Variants in CLCNKB observed in about 807,000 individuals in gnomAD.
CLCNKB encodes the protein chloride voltage-gated channel Kb.
Under a neutral mutation model 83.8 loss-of-function variants are expected in CLCNKB, and 74 were observed. The ratio of observed to expected loss-of-function variants is 0.88; its 90% CI spans 0.73 to 1.07. The LOEUF is 1.07. CLCNKB is among the 50% of genes least tolerant of loss of function. CLCNKB has a pLI of 0.00. For synonymous variants in CLCNKB, 358 were observed against 356.6 expected, an observed-to-expected ratio of 1.00 and a Z score of -0.04; for missense variants, 798 against 893.6, an observed-to-expected ratio of 0.89 and a Z score of 1.36.
intron 17 of CLCNKB, 29 bp downstream of exon 17, chr1:16,055,552 G>C: frequency 6.5e-7 from 1 of 1,537,060 alleles, no homozygotes; most frequent in Middle Eastern, 1.8e-4. Context: ...CATGGGGATG[G>C]GGCGGGGGTG....
chr1:16,046,744 C>T, intron 4 of CLCNKB, 81 bp downstream of exon 4: 1 of 1,551,030 alleles, frequency 6.4e-7, no homozygotes, highest in Non-Finnish European at 8.9e-7. Context: ...GGGGCAGCCT[C>T]ATTTCACAGA....
chr1:16,051,361 G>A (rs2023283958), intron 12 of CLCNKB, 117 bp from the exon 13 acceptor site: 3 of 1,319,978 alleles, frequency 2.3e-6, no homozygotes, highest in Non-Finnish European at 3.3e-6. Flanking sequence ...GGCAGTGGGT[G>A]CATGGCCGGC....
intron 19 of CLCNKB, 44 bp downstream of exon 19, chr1:16,056,552 T>C (rs1163727798): frequency 8.4e-7 from 1 of 1,197,304 alleles, no homozygotes; most frequent in Non-Finnish European, 1.2e-6. Flanking sequence ...AACCTATGCC[T>C]GAGAAGACTG....
In CLCNKB at chr1:16,054,248, G is replaced by A. The variant is rs1570343615; in HGVS notation, c.1756+476G>A. 2.6e-5 allele frequency among the ~76,000 whole-genome samples: 4 copies of A among 152,194 alleles called. No individual in the cohort carries two copies. In the East Asian group the frequency reaches 7.7e-4, roughly 29 times the overall value. ...GTCATTTCCTGTGGGTACAAGTCCA[G>A]TATCTGCATTTAGAAGATAAGGCGG... On this transcript the variant is annotated intron_variant, in intron 16 of 19. Transcript: ENST00000375679.
Position 16,044,405 on chromosome 1 carries a change from G to C in CLCNKB, c.-7-81G>C, listed in dbSNP as rs2023029648. On this transcript the variant is annotated intron_variant, in intron 1 of 19. Transcript: ENST00000375679. ...CACAATCTTTCCTCTTCATGGGTGG[G>C]GAGAGCACTGGAAGGGCCTAGAGGC... The C allele has an allele frequency of 1.4e-5, 15 of 1,054,548 alleles. No individual in the cohort carries two copies. In the South Asian group the frequency reaches 2.0e-4, roughly 14 times the overall value. 65.3% of individuals were successfully genotyped at this position (1,054,548 alleles called of 1,614,324 possible).
chr1:16,051,863 C>A, intron 14 of CLCNKB, 43 bp downstream of exon 14: 2 of 1,515,706 alleles, frequency 1.3e-6, no homozygotes, highest in Non-Finnish European at 1.8e-6. Context: ...TGTCGTGCGG[C>A]TGGGCTGGAC....
intron 8 of CLCNKB, 29 bp downstream of exon 8, chr1:16,049,274 C>T (rs1242168720): frequency 1.2e-6 from 2 of 1,611,880 alleles, no homozygotes; most frequent in Admixed American, 1.7e-5. Flanking sequence ...CTGACCCTGG[C>T]CCTGCCTGGG....
chr1:16,055,543 A>G lies in CLCNKB; in HGVS notation c.1845+20A>G. 1.6e-6 allele frequency: 1 copy of G among 623,764 alleles called. No individual in the cohort carries two copies. Among genetic ancestry groups the G allele is most frequent in the Non-Finnish European group, 2.9e-6 (1 of 339,540 alleles). 38.6% of individuals were successfully genotyped at this position (623,764 alleles called of 1,614,324 possible). Reference sequence around the variant, plus strand: ...CACCAGGTGGGTACTCCTGAGGGGCATGGGGATGGGGCGGGGGTGGGTCAG... The same window carrying G: ...CACCAGGTGGGTACTCCTGAGGGGCGTGGGGATGGGGCGGGGGTGGGTCAG... On this transcript the variant is annotated intron_variant, in intron 17 of 19. Coordinates refer to ENST00000375679, the MANE Select transcript of CLCNKB (RefSeq NM_000085.5).
rs1367727379 is a variant in CLCNKB, at chr1:16,053,234, G to A, written c.1623-405G>A. ...GTGGAGACGGGGTTTCACCACGTCA[G>A]CCAGGCTAGTCTTGAATTCCTGGCA... On this transcript the variant is annotated intron_variant, in intron 15 of 19. Coordinates refer to ENST00000375679, the MANE Select transcript of CLCNKB (RefSeq NM_000085.5). Among the ~76,000 whole-genome samples the A allele has an allele frequency of 3.9e-5, 6 of 152,140 alleles. No homozygotes were observed. In the South Asian group the frequency reaches 1.2e-3, roughly 32 times the overall value.
chr1:16,052,691 G>A (rs1238898523), intron 15 of CLCNKB, among the ~76,000 whole-genome samples: 1 of 152,176 alleles, frequency 6.6e-6, no homozygotes, highest in Non-Finnish European at 1.5e-5. Context: ...GGCTCAGAGA[G>A]GTGCCGTGTC....
In CLCNKB at chr1:16,056,332, CTCT is replaced by C. The variant is rs77508204; in HGVS notation, c.1930-87_1930-85del. The stretch of plus-strand genomic sequence containing the variant: ...CTCCCACACACATCAGGCCCCGCCC[CTCT>C]TCCTGGCTCAGAGGCGTGGTGGAGT... On this transcript the variant is annotated intron_variant, in intron 18 of 19. Transcript: ENST00000375679. The C allele has an allele frequency of 0.45, 607,750 of 1,345,428 alleles. 144,603 individuals are homozygous for C. Among genetic ancestry groups the C allele is most frequent in the East Asian group, 0.82 (35,537 of 43,472 alleles). The allele number at this position is 1,345,428 out of a possible 1,614,324, so 83.3% of individuals were successfully genotyped here. A position where few individuals can be genotyped will look rare whatever the true frequency, so the allele number is the denominator to read the frequency against.
chr1:16,052,569 G>A (rs983298983), intron 15 of CLCNKB, among the ~76,000 whole-genome samples, 158 bp downstream of exon 15: 6 of 152,194 alleles, frequency 3.9e-5, no homozygotes, highest in South Asian at 2.1e-4. Flanking sequence ...CCAGTGCCCC[G>A]GGTGACCTTG....
At chr1:16,048,237 G>A (rs938940948) in intron 5 of CLCNKB, 106 bp from the exon 6 acceptor site, 1 of 1,499,030 alleles carries the variant, frequency 6.7e-7, no homozygotes, top group Non-Finnish European at 9.2e-7. Flanking sequence ...GGCCGTGGGG[G>A]CTTGGGAGAT....
At chr1:16,053,590 GTC>G in intron 15 of CLCNKB, 47 bp from the exon 16 acceptor site, 1 of 1,613,490 alleles carries the variant, frequency 6.2e-7, no homozygotes, top group Non-Finnish European at 8.5e-7. Context: ...GCCAGCCTGG[GTC>G]TCACATCCCT....
chr1:16,044,307 G>A (rs575846729), intron 1 of CLCNKB, among the ~76,000 whole-genome samples, 179 bp from the exon 2 acceptor site: 1 of 151,232 alleles, frequency 6.6e-6, no homozygotes, highest in African/African-American at 2.4e-5. Flanking sequence ...CCTCAGTGAC[G>A]GAAACTCAGG....
chr1:16,049,370 T>A, intron 8 of CLCNKB, 125 bp downstream of exon 8: 2 of 1,534,446 alleles, frequency 1.3e-6, no homozygotes, highest in Non-Finnish European at 1.7e-6. Flanking sequence ...TCCTCTTCCT[T>A]GTTCCCACCT....
chr1:16,053,434 C>T (rs1023133620), intron 15 of CLCNKB, among the ~76,000 whole-genome samples: 9 of 152,130 alleles, frequency 5.9e-5, no homozygotes, highest in East Asian at 5.8e-4. Context: ...GCTGGGAATT[C>T]GCAACTGGGT....
intron 12 of CLCNKB, 93 bp from the exon 13 acceptor site, chr1:16,051,385 C>G: frequency 6.8e-7 from 1 of 1,481,136 alleles, no homozygotes; most frequent in Non-Finnish European, 9.4e-7. Flanking sequence ...CTCTTTCTCT[C>G]TAGGACACTC....
intron 16 of CLCNKB, among the ~76,000 whole-genome samples, chr1:16,054,904 A>G (rs2023393908): frequency 6.6e-6 from 1 of 152,182 alleles, no homozygotes; most frequent in Admixed American, 6.5e-5. Flanking sequence ...ATTCCACTCA[A>G]CAGAAAGCAA....
Sources: allele counts gnomAD v4.1 joint callset (sites outside exome capture counted in the v4.1 genomes callset), GRCh38; gene constraint gnomAD v4.1.1; transcripts MANE v1.5; gene names NCBI Gene and HGNC (gene_info 2026-07-23, HGNC 2026-07-21).